TAF2: variants seen among roughly 807,000 people sequenced by gnomAD.
TAF2 encodes the protein transcription initiation factor TFIID subunit 2.
Under a neutral mutation model 138.5 loss-of-function variants are expected in TAF2, and 61 were observed. The ratio of observed to expected loss-of-function variants is 0.44; its 90% CI spans 0.36 to 0.54. The LOEUF is 0.54. TAF2 is among the 20% of genes least tolerant of loss of function. TAF2 has a pLI of 0.00. For synonymous variants in TAF2, 475 were observed against 469.9 expected (o/e 1.01, Z -0.14); for missense variants, 1,090 against 1,427.9 (o/e 0.76, Z 3.81).
In TAF2 at chr8:119,814,668, C is replaced by T. The variant is rs574642092; in HGVS notation, c.299+4678G>A. Among the ~76,000 whole-genome samples the T allele has an allele frequency of 4.3e-5, 6 of 138,464 alleles. No homozygotes were observed. The South Asian group carries it at 6.9e-4, about 16-fold the overall frequency. 90.8% of individuals were successfully genotyped at this position (138,464 alleles called of 152,430 possible). ...CAGCACTCTGGGAGGCTGAGACAGG[C>T]GGATCACGAGGTCAGGAGTTCGAGA... On this transcript the variant is annotated intron_variant, in intron 3 of 25. Coordinates refer to ENST00000378164, the MANE Select transcript of TAF2 (RefSeq NM_003184.4).
At chr8:119,740,162 A>G (rs1563813365) in intron 25 of TAF2, among the ~76,000 whole-genome samples, 4 of 152,090 alleles carry the variant, frequency 2.6e-5, no homozygotes, top group Non-Finnish European at 2.9e-5. Flanking sequence ...AAGACAAGAA[A>G]TTCCTTTTTC....
At chr8:119,774,725 T>A (rs1266614878) in intron 18 of TAF2, among the ~76,000 whole-genome samples, 1 of 152,176 alleles carries the variant, frequency 6.6e-6, no homozygotes, top group African/African-American at 2.4e-5. Flanking sequence ...TCCCCTTATA[T>A]GCTCTTAGTC....
intron 2 of TAF2, 109 bp downstream of exon 2, chr8:119,831,568 G>T: frequency 2.6e-6 from 2 of 780,542 alleles, no homozygotes; most frequent in South Asian, 2.0e-5. Flanking sequence ...ACCTATTCTT[G>T]AAACACAATT....
intron 23 of TAF2, among the ~76,000 whole-genome samples, chr8:119,746,467 G>A (rs1216592915): frequency 6.6e-6 from 1 of 151,226 alleles, no homozygotes; most frequent in Non-Finnish European, 1.5e-5. Context: ...AAATAACTAG[G>A]TTATCACAAT....
At chr8:119,775,440 C>T (rs1051664311) in intron 18 of TAF2, among the ~76,000 whole-genome samples, 3 of 151,684 alleles carry the variant, frequency 2.0e-5, no homozygotes, top group Non-Finnish European at 4.4e-5. Flanking sequence ...TGGTGGCTCA[C>T]GCCTGTAATC....
chr8:119,736,272 A>G (rs1018786573), intron 25 of TAF2, among the ~76,000 whole-genome samples: 2 of 152,234 alleles, frequency 1.3e-5, no homozygotes, highest in Non-Finnish European at 2.9e-5. Flanking sequence ...CTCTTGAGGT[A>G]CATGAAGTCT....
Position 119,785,200 on chromosome 8 carries a change from C to G in TAF2, c.1859+1G>C. On this transcript the variant is annotated splice_donor_variant, in intron 15 of 25. Transcript: ENST00000378164. LOFTEE classifies it high-confidence loss of function. Reference sequence around the variant, plus strand: ...CCTTATATTTAAGTTAACTAACTTACTCCATTGCAGAAAGATCCATATCAA... The same window carrying G: ...CCTTATATTTAAGTTAACTAACTTAGTCCATTGCAGAAAGATCCATATCAA... 1 of 1,611,114 alleles carries G rather than the reference C, an allele frequency of 6.2e-7. No homozygotes were observed. Among genetic ancestry groups the G allele is most frequent in the Non-Finnish European group, 8.5e-7 (1 of 1,177,598 alleles).
chr8:119,783,476 G>T lies in TAF2; in HGVS notation c.2017C>A (p.Pro673Thr). The change falls in exon 16 of 26, where the codon CCT becomes ACT. Residue 673 changes from proline (P) to threonine (T), a missense_variant. Physicochemically the swap from Pro to Thr is conservative, Grantham distance 38 (BLOSUM62 -1). Around this residue, in one of 3 missense-constraint regions of TAF2, gnomAD observed 580 missense variants for 719.6 expected, o/e 0.81. Coordinates refer to ENST00000378164, the MANE Select transcript of TAF2 (RefSeq NM_003184.4). ...AGTGCAAGCCGAGATGCTGGAGTAG[G>T]GAATTTTTCCAAAGCCAAAATGGAT... ...QESILALEKF[P>T]TPASRLALTD... 7 of 1,614,052 alleles carry T rather than the reference G, an allele frequency of 4.3e-6. No homozygotes were observed. Among genetic ancestry groups the T allele is most frequent in the Non-Finnish European group, 5.9e-6 (7 of 1,180,010 alleles).
At chr8:119,763,198 T>C (rs1563843238) in intron 18 of TAF2, among the ~76,000 whole-genome samples, 1 of 152,174 alleles carries the variant, frequency 6.6e-6, no homozygotes, top group Non-Finnish European at 1.5e-5. Context: ...TCCCTAAACA[T>C]TTTTATGTTC....
chr8:119,802,699 G>A (rs1005179527), intron 5 of TAF2, among the ~76,000 whole-genome samples: 2 of 152,122 alleles, frequency 1.3e-5, no homozygotes, highest in African/African-American at 4.8e-5. Context: ...GATTACCTGA[G>A]GTCAGGAGTT....
chr8:119,768,408 T>G (rs1821592853), intron 18 of TAF2, among the ~76,000 whole-genome samples: 1 of 152,232 alleles, frequency 6.6e-6, no homozygotes, highest in South Asian at 2.1e-4. Flanking sequence ...CTTGTACTTT[T>G]GTTAATGTGT....
chr8:119,739,865 T>C (rs563112316), intron 25 of TAF2, among the ~76,000 whole-genome samples: 6 of 151,914 alleles, frequency 3.9e-5, no homozygotes, highest in Non-Finnish European at 7.4e-5. Flanking sequence ...GTTTCCTGAA[T>C]GTCTCTATCA....
chr8:119,782,443 T>C (rs117171477), intron 16 of TAF2, among the ~76,000 whole-genome samples: 1,877 of 152,296 alleles, frequency 0.012, 21 homozygotes, highest in Middle Eastern at 0.031. Flanking sequence ...GATGGTTTTA[T>C]CAAGGAAAAT....
At chr8:119,821,698 TCA>T (rs1044261180) in intron 2 of TAF2, among the ~76,000 whole-genome samples, 1 of 152,168 alleles carries the variant, frequency 6.6e-6, no homozygotes, top group African/African-American at 2.4e-5. Context: ...CCACTGTGCC[TCA>T]GTTTCCTCAT....
Position 119,832,640 on chromosome 8 carries a change from C to G in TAF2, c.-76G>C. The G allele has an allele frequency of 7.1e-7, 1 of 1,400,592 alleles. No individual in the cohort carries two copies. The highest frequency in any genetic ancestry group is 9.9e-7 in the Non-Finnish European group (1 of 1,008,212). 86.8% of individuals were successfully genotyped at this position (1,400,592 alleles called of 1,614,324 possible). A position where few individuals can be genotyped will look rare whatever the true frequency, so the allele number is the denominator to read the frequency against. The stretch of plus-strand genomic sequence containing the variant: ...CATTACTAGTCTTTGGCACCTCACA[C>G]TCTCCACTCCCCTGCGGTCCCCAAG... On this transcript the variant is annotated 5_prime_UTR_variant, in exon 1 of 26. Coordinates refer to ENST00000378164, the MANE Select transcript of TAF2 (RefSeq NM_003184.4).
chr8:119,799,407 T>C (rs1824078101), intron 6 of TAF2, among the ~76,000 whole-genome samples: 1 of 151,660 alleles, frequency 6.6e-6, no homozygotes, highest in Non-Finnish European at 1.5e-5. Context: ...ACATGTGGTG[T>C]TTGGTTTTTT....
At chr8:119,809,141 T>G (rs757399476) in intron 3 of TAF2, among the ~76,000 whole-genome samples, 3 of 152,238 alleles carry the variant, frequency 2.0e-5, no homozygotes, top group Non-Finnish European at 2.9e-5. Context: ...GTAGCAACCT[T>G]CATCAAAAAC....
At chr8:119,781,655 A>G (rs1043008855) in intron 16 of TAF2, among the ~76,000 whole-genome samples, 1 of 150,382 alleles carries the variant, frequency 6.6e-6, no homozygotes, top group Admixed American at 6.6e-5. Context: ...ATCGCACTCC[A>G]CCCTGGGTGA....
At chr8:119,774,462 T>A (rs1822075996) in intron 18 of TAF2, among the ~76,000 whole-genome samples, 1 of 148,836 alleles carries the variant, frequency 6.7e-6, no homozygotes, top group African/African-American at 2.5e-5. Context: ...TTCATAAACT[T>A]CCTTAAAATA....
Sources: gnomAD v4.1 joint callset for allele counts (sites outside exome capture counted in the v4.1 genomes callset) on GRCh38, gnomAD v4.1.1 for gene constraint, gnomAD v4.1.1 regional missense constraint, MANE v1.5 for transcripts, NCBI Gene and HGNC (gene_info 2026-07-23, HGNC 2026-07-21) for gene names.